The following DNM3 variants were observed in gnomAD, a reference collection of about 807,000 sequenced individuals.
DNM3 encodes the protein dynamin 3, also known as dynamin-3.
DNM3 carries 47 observed loss-of-function variants against 101.6 expected under a neutral mutation model. That is an observed-to-expected ratio of 0.46 (90% CI 0.37 to 0.59). The LOEUF is 0.59. Among genes scored for constraint, DNM3 ranks in the 20% least tolerant of loss-of-function variants. The pLI, the probability that DNM3 is intolerant of heterozygous loss-of-function variation, is 0.00. For synonymous variants in DNM3, 385 were observed against 387.9 expected, an observed-to-expected ratio of 0.99 and a Z score of 0.09; for missense variants, 849 against 1,085.7, an observed-to-expected ratio of 0.78 and a Z score of 3.06.
intron 9 of DNM3, among the ~76,000 whole-genome samples, chr1:172,048,396 T>C (rs2049967753): frequency 6.6e-6 from 1 of 152,258 alleles, no homozygotes; most frequent in Non-Finnish European, 1.5e-5. Flanking sequence ...TTTCTTTTTA[T>C]TGCTGCGAAA....
rs13374511 is a variant in DNM3 at position 172,370,946 on chromosome 1, A to G, written c.1894-8072A>G. Among the ~76,000 whole-genome samples the G allele has an allele frequency of 1.9e-3, 286 of 152,106 alleles. 1 individual carries two copies. The highest frequency in any genetic ancestry group is 6.4e-3 in the African/African-American group (265 of 41,546). ...TGTCTTTTGACCAGCAAATCTATAT[A>G]TCTTTCTTTACAGCCTGGTAATTTC... is the stretch of plus-strand genomic sequence containing the variant. On this transcript the variant is annotated intron_variant, in intron 17 of 20. Transcript: ENST00000627582.
Position 172,412,518 on chromosome 1 carries a change from C to A in DNM3, c.*4677C>A. ...TAAAATCTTGTCTTCTCTGCTGATTCTTTAATTAATATGAGCCGGATACTT... is the reference window on the plus strand; with the variant it reads ...TAAAATCTTGTCTTCTCTGCTGATTATTTAATTAATATGAGCCGGATACTT... On this transcript the variant is annotated 3_prime_UTR_variant, in exon 21 of 21. Coordinates refer to ENST00000627582, the MANE Select transcript of DNM3 (RefSeq NM_015569.5). The A allele has an allele frequency of 1.0e-6, 1 of 985,656 alleles. No individual in the cohort carries two copies. The allele number at this position is 985,656 out of a possible 1,614,324, so 61.1% of individuals were successfully genotyped here.
intron 16 of DNM3, among the ~76,000 whole-genome samples, chr1:172,317,863 G>C (rs1227675432): frequency 6.6e-6 from 1 of 152,232 alleles, no homozygotes; most frequent in African/African-American, 2.4e-5. Context: ...AATAGAAAAA[G>C]AGGGAATCCT....
At chr1:171,884,312 C>T (rs2036575981) in intron 1 of DNM3, among the ~76,000 whole-genome samples, 1 of 152,196 alleles carries the variant, frequency 6.6e-6, no homozygotes, top group African/African-American at 2.4e-5. Context: ...GACTAGGCAT[C>T]ATCTCCTCTA....
chr1:172,234,950 C>T (rs759040545), intron 14 of DNM3, among the ~76,000 whole-genome samples: 158 of 152,320 alleles, frequency 1.0e-3, no homozygotes, highest in Middle Eastern at 3.4e-3. Context: ...GCAAGGACTT[C>T]ATGACTAAAA....
chr1:172,089,248 T>C (rs2053744704), intron 12 of DNM3, among the ~76,000 whole-genome samples: 1 of 152,266 alleles, frequency 6.6e-6, no homozygotes, highest in Non-Finnish European at 1.5e-5. Context: ...AGACAAATTG[T>C]AGGCTTTTGA....
chr1:172,125,953 A>T (rs1424802058), intron 13 of DNM3, among the ~76,000 whole-genome samples: 2 of 151,674 alleles, frequency 1.3e-5, no homozygotes, highest in Non-Finnish European at 2.9e-5. Context: ...TTCTGTTCCC[A>T]CTTACTTTCC....
chr1:172,131,400 A>C (rs1373822840), intron 14 of DNM3, 112 bp downstream of exon 14: 1 of 856,366 alleles, frequency 1.2e-6, no homozygotes, highest in Non-Finnish European at 1.8e-6. Context: ...TTTCAGTGAG[A>C]TTAAGCTTGG....
At position 171,987,722 on chromosome 1, in the gene DNM3, T is replaced by C. The variant is rs200882657; in HGVS notation, c.302T>C (p.Ile101Thr). ...FTDFDEVRLE[I>T]EAETDRVTGM... ...GATTTTGATGAAGTTCGCCTTGAGA[T>C]TGAAGCAGAAACAGATCGCGTGACT... Residue 101 changes from isoleucine to threonine, a missense_variant, in exon 3 of 21, where the codon ATT becomes ACT. By Grantham distance (89) the Ile-to-Thr change is moderately conservative. This residue lies in a region of DNM3 where 388 missense variants were observed against 483.0 expected (regional missense o/e 0.80). Coordinates refer to ENST00000627582, the MANE Select transcript of DNM3 (RefSeq NM_015569.5). 35 of 1,602,462 alleles carry C rather than the reference T, an allele frequency of 2.2e-5. No homozygotes were observed. The East Asian group carries it at 4.3e-4, about 20-fold the overall frequency.
chr1:171,841,644 C>G lies in DNM3; in HGVS notation c.-13C>G, dbSNP rs1484774642. The G allele has an allele frequency of 1.6e-5, 25 of 1,605,900 alleles. No homozygotes were observed. Among genetic ancestry groups the G allele is most frequent in the Non-Finnish European group, 2.0e-5 (23 of 1,177,080 alleles). On this transcript the variant is annotated 5_prime_UTR_variant, in exon 1 of 21. Coordinates refer to ENST00000627582, the MANE Select transcript of DNM3 (RefSeq NM_015569.5). Reference sequence around the variant, plus strand: ...CGAGCAGGGACCAGCTGGTCGCCGGCCCCTCGGGCAAGATGGGGAACCGGG... The same window carrying G: ...CGAGCAGGGACCAGCTGGTCGCCGGGCCCTCGGGCAAGATGGGGAACCGGG...
intron 1 of DNM3, among the ~76,000 whole-genome samples, chr1:171,876,177 T>G (rs1336025088): frequency 6.6e-6 from 1 of 152,150 alleles, no homozygotes; most frequent in Non-Finnish European, 1.5e-5. Flanking sequence ...GTCTTAGATT[T>G]GTTTGAAAGT....
chr1:171,884,270 C>T (rs951878524), intron 1 of DNM3, among the ~76,000 whole-genome samples: 2 of 152,162 alleles, frequency 1.3e-5, no homozygotes, highest in African/African-American at 4.8e-5. Context: ...AAGTCTGTTG[C>T]CTCCTGAAGT....
At chr1:172,094,043 G>A (rs1358511826) in intron 13 of DNM3, among the ~76,000 whole-genome samples, 1 of 152,080 alleles carries the variant, frequency 6.6e-6, no homozygotes, top group Non-Finnish European at 1.5e-5. Context: ...AATCATTAAT[G>A]ATCTTCATCT....
At chr1:172,025,557 G>A (rs1022098385) in intron 4 of DNM3, among the ~76,000 whole-genome samples, 25 of 152,112 alleles carry the variant, frequency 1.6e-4, no homozygotes, top group African/African-American at 5.5e-4. Flanking sequence ...GGAGAGCTCC[G>A]GCTGGCATCT....
In DNM3 at chr1:172,149,317, A is replaced by G. The variant is rs550993097; in HGVS notation, c.1659+18029A>G. ...CTAACCACTGGCGTGCACAGCAGCCATTTTTATATTTCAGTAGCATAATAC... is the reference window on the plus strand; with the variant it reads ...CTAACCACTGGCGTGCACAGCAGCCGTTTTTATATTTCAGTAGCATAATAC... On this transcript the variant is annotated intron_variant, in intron 14 of 20. Transcript: ENST00000627582. Among the ~76,000 whole-genome samples the G allele has an allele frequency of 7.2e-5, 11 of 152,276 alleles. No homozygotes were observed. The East Asian group carries it at 2.1e-3, about 29-fold the overall frequency.
intron 15 of DNM3, among the ~76,000 whole-genome samples, chr1:172,291,260 ACGCATACATG>A: frequency 6.8e-6 from 1 of 146,374 alleles, no homozygotes; most frequent in Non-Finnish European, 1.5e-5. Context: ...GTGTGTGCAC[ACGCATACATG>A]TGCGTGTGTA....
chr1:171,965,887 C>G (rs1424059483), intron 2 of DNM3, among the ~76,000 whole-genome samples: 1 of 152,100 alleles, frequency 6.6e-6, no homozygotes, highest in Non-Finnish European at 1.5e-5. Context: ...TAGTTGGATT[C>G]TCTGGCAACA....
At chr1:172,387,897 T>TAAAATGAAAAGATAATCCA (rs1224270715) in intron 19 of DNM3, among the ~76,000 whole-genome samples, 1 of 151,986 alleles carries the variant, frequency 6.6e-6, no homozygotes, top group African/African-American at 2.4e-5. Flanking sequence ...TATTAAGTCC[T>TAAAATGAAAAGATAATCCA]AAAATGAAAA....
chr1:171,956,654 G>A (rs562507764), intron 2 of DNM3, among the ~76,000 whole-genome samples: 2 of 152,164 alleles, frequency 1.3e-5, no homozygotes, highest in African/African-American at 4.8e-5. Context: ...ACTAGGCAGT[G>A]CCCCAGTAAG....
Sources: gnomAD v4.1 joint callset for allele counts (sites outside exome capture counted in the v4.1 genomes callset) on GRCh38, gnomAD v4.1.1 for gene constraint, gnomAD v4.1.1 regional missense constraint, MANE v1.5 for transcripts, NCBI Gene and HGNC (gene_info 2026-07-23, HGNC 2026-07-21) for gene names.